The following CHRM3 variants were observed in gnomAD, a reference collection of about 807,000 sequenced individuals.
The protein encoded by CHRM3 is muscarinic acetylcholine receptor M3.
Under a neutral mutation model 41.8 loss-of-function variants are expected in CHRM3, and 11 were observed. The ratio of observed to expected loss-of-function variants is 0.26; its 90% CI spans 0.17 to 0.44. The LOEUF (loss-of-function observed/expected upper bound fraction) is 0.44. Ranked by LOEUF, CHRM3 falls within the 20% of genes least tolerant of loss-of-function variation. The pLI is 1.00. For missense variants in CHRM3, 571 were observed against 745.4 expected, an observed-to-expected ratio of 0.77 and a Z score of 2.72; for synonymous variants, 297 against 301.4, an observed-to-expected ratio of 0.99 and a Z score of 0.15.
chr1:239,482,124 C>T (rs1444502987), intron 1 of CHRM3, among the ~76,000 whole-genome samples: 1 of 152,002 alleles, frequency 6.6e-6, no homozygotes, highest in Non-Finnish European at 1.5e-5. Flanking sequence ...TGCTCAACTT[C>T]TTAGTTTTTT....
chr1:239,609,423 A>G (rs552653894), intron 3 of CHRM3, among the ~76,000 whole-genome samples: 3 of 152,218 alleles, frequency 2.0e-5, no homozygotes, highest in South Asian at 4.2e-4. Flanking sequence ...CTTTTTTCCA[A>G]TGTTGGGTTG....
At chr1:239,723,356 T>C (rs1367140326) in intron 5 of CHRM3, among the ~76,000 whole-genome samples, 1 of 151,988 alleles carries the variant, frequency 6.6e-6, no homozygotes, top group African/African-American at 2.4e-5. Flanking sequence ...TAAATGTCAA[T>C]GTTTTGTCAA....
chr1:239,636,230 G>A (rs1670451687), intron 4 of CHRM3, among the ~76,000 whole-genome samples: 1 of 152,210 alleles, frequency 6.6e-6, no homozygotes, highest in Non-Finnish European at 1.5e-5. Flanking sequence ...ACTGCAAAGA[G>A]CAAAATTTTC....
intron 6 of CHRM3, among the ~76,000 whole-genome samples, chr1:239,832,683 C>T (rs493544): frequency 0.41 from 62,131 of 151,606 alleles, 14,063 homozygotes; most frequent in South Asian, 0.53. Flanking sequence ...AGGAAGAACA[C>T]GTTCATCCTA....
intron 5 of CHRM3, among the ~76,000 whole-genome samples, chr1:239,686,754 T>A (rs1009214241): frequency 6.6e-6 from 1 of 152,180 alleles, no homozygotes; most frequent in Admixed American, 6.5e-5. Context: ...TGATTTATCA[T>A]CATTTTACAG....
chr1:239,882,147 G>C (rs1158557186), intron 6 of CHRM3, among the ~76,000 whole-genome samples: 1 of 151,874 alleles, frequency 6.6e-6, no homozygotes, highest in African/African-American at 2.4e-5. Context: ...AACTCAGGTG[G>C]TCTGCCTGCC....
At chr1:239,477,936 AGCT>A (rs1666575280) in intron 1 of CHRM3, among the ~76,000 whole-genome samples, 1 of 152,214 alleles carries the variant, frequency 6.6e-6, no homozygotes, top group African/African-American at 2.4e-5. Context: ...CCTTGAGGTC[AGCT>A]GCACAGCGAG....
chr1:239,422,621 C>G (rs965663388), intron 1 of CHRM3, among the ~76,000 whole-genome samples: 1 of 151,766 alleles, frequency 6.6e-6, no homozygotes. Flanking sequence ...CAGTTAAACC[C>G]CATCTCTACT....
At chr1:239,695,043 G>T (rs1216959947) in intron 5 of CHRM3, among the ~76,000 whole-genome samples, 1 of 152,110 alleles carries the variant, frequency 6.6e-6, no homozygotes, top group Non-Finnish European at 1.5e-5. Flanking sequence ...ACGGAGTCTC[G>T]CTCTGTTGCC....
chr1:239,419,614 T>G (rs1661777373), intron 1 of CHRM3, among the ~76,000 whole-genome samples: 1 of 152,212 alleles, frequency 6.6e-6, no homozygotes, highest in African/African-American at 2.4e-5. Flanking sequence ...GCTCAGACCG[T>G]GTATGAGCAA....
intron 5 of CHRM3, chr1:239,718,798 C>G (rs1287494864): frequency 6.6e-6 from 1 of 151,894 alleles, no homozygotes; most frequent in Non-Finnish European, 1.5e-5. Context: ...AATTACAGAT[C>G]CTCATGAGCT....
chr1:239,726,452 T>A (rs1400482449), intron 5 of CHRM3, among the ~76,000 whole-genome samples: 2 of 151,984 alleles, frequency 1.3e-5, no homozygotes, highest in Non-Finnish European at 2.9e-5. Context: ...TAATCTTGAT[T>A]TACCTTTGAA....
At chr1:239,608,750 C>A (rs536978868) in intron 3 of CHRM3, among the ~76,000 whole-genome samples, 1 of 152,262 alleles carries the variant, frequency 6.6e-6, no homozygotes, top group Non-Finnish European at 1.5e-5. Flanking sequence ...CAAGTTTCAG[C>A]AAGACAACAG....
At chr1:239,530,700 G>A (rs1328842148) in intron 2 of CHRM3, among the ~76,000 whole-genome samples, 1 of 152,144 alleles carries the variant, frequency 6.6e-6, no homozygotes, top group Admixed American at 6.5e-5. Flanking sequence ...ATAACAAAAT[G>A]AAAACTTAGA....
chr1:239,413,313 C>T (rs936912398), intron 1 of CHRM3, among the ~76,000 whole-genome samples: 13 of 151,676 alleles, frequency 8.6e-5, no homozygotes, highest in African/African-American at 2.4e-4. Context: ...TTATTGAGAC[C>T]GAGTCTCACT....
At chr1:239,449,905 A>G (rs886718022) in intron 1 of CHRM3, among the ~76,000 whole-genome samples, 27 of 152,284 alleles carry the variant, frequency 1.8e-4, no homozygotes, top group African/African-American at 6.5e-4. Context: ...AACGTGAATT[A>G]CTGGGGGTTG....
chr1:239,540,180 A>G (rs1217946504), intron 2 of CHRM3, among the ~76,000 whole-genome samples: 1 of 152,226 alleles, frequency 6.6e-6, no homozygotes, highest in Non-Finnish European at 1.5e-5. Context: ...TAAGTGAGGC[A>G]TAACTGTATA....
chr1:239,436,276 T>G (rs1663261340), intron 1 of CHRM3, among the ~76,000 whole-genome samples: 1 of 152,142 alleles, frequency 6.6e-6, no homozygotes, highest in African/African-American at 2.4e-5. Flanking sequence ...GTCAAGTCAC[T>G]TCTGAGCTCC....
intron 3 of CHRM3, among the ~76,000 whole-genome samples, chr1:239,617,462 C>G (rs1667759961): frequency 6.6e-6 from 1 of 152,146 alleles, no homozygotes; most frequent in Non-Finnish European, 1.5e-5. Flanking sequence ...TGGGAGCTCA[C>G]ACCTACAATC....
Sources: allele counts gnomAD v4.1 joint callset (sites outside exome capture counted in the v4.1 genomes callset), GRCh38; gene constraint gnomAD v4.1.1; transcripts MANE v1.5; gene names NCBI Gene and HGNC (gene_info 2026-07-23, HGNC 2026-07-21).